Variants in EFL1 observed in about 807,000 individuals in gnomAD.
EFL1 encodes elongation factor like GTPase 1, also known as elongation factor-like GTPase 1.
In EFL1, 76 loss-of-function variants were observed where a neutral mutation model predicts 126.7. That is an observed-to-expected ratio of 0.60 (90% CI 0.50 to 0.73). The LOEUF (loss-of-function observed/expected upper bound fraction) is 0.73, where lower values mean the gene tolerates loss of function less well. EFL1 is among the 30% of genes least tolerant of loss of function. The pLI, the probability that EFL1 is intolerant of heterozygous loss-of-function variation, is 0.00. For synonymous variants in EFL1, 410 were observed against 448.4 expected, an observed-to-expected ratio of 0.91 and a Z score of 1.08; for missense variants, 1,128 against 1,343.2, an observed-to-expected ratio of 0.84 and a Z score of 2.50.
intron 15 of EFL1, among the ~76,000 whole-genome samples, chr15:82,178,751 A>T (rs938011656): frequency 6.6e-6 from 1 of 152,160 alleles, no homozygotes; most frequent in Admixed American, 6.5e-5. Context: ...TCATTCTACC[A>T]ATTCTCTGGA....
intron 19 of EFL1, among the ~76,000 whole-genome samples, chr15:82,132,565 T>A (rs1297536210): frequency 1.3e-5 from 2 of 150,624 alleles, no homozygotes; most frequent in Admixed American, 1.3e-4. Flanking sequence ...AGAGGCATTA[T>A]CAGCACTAGA....
At chr15:82,164,048 A>G in intron 15 of EFL1, 64 bp from the exon 16 acceptor site, 1 of 1,589,856 alleles carries the variant, frequency 6.3e-7, no homozygotes, top group Non-Finnish European at 8.6e-7. Flanking sequence ...ATGTCAGAAA[A>G]ACAGCAGCAT....
intron 18 of EFL1, among the ~76,000 whole-genome samples, chr15:82,144,863 C>T (rs1208137959): frequency 1.3e-5 from 2 of 151,666 alleles, no homozygotes; most frequent in African/African-American, 2.4e-5. Context: ...CGTGGTGGTG[C>T]GCACCTGTAG....
chr15:82,138,994 GTGTT>G (rs1228291031), intron 18 of EFL1, 152 bp from the exon 19 acceptor site: 6 of 790,482 alleles, frequency 7.6e-6, no homozygotes, highest in Non-Finnish European at 9.1e-6. Flanking sequence ...CACTTTTTAA[GTGTT>G]TATTTAAAAA....
intron 15 of EFL1, among the ~76,000 whole-genome samples, chr15:82,208,674 A>T (rs1324004371): frequency 2.0e-5 from 3 of 152,228 alleles, no homozygotes; most frequent in African/African-American, 7.2e-5. Context: ...ACGCCTTAAT[A>T]ATCAGGAAAT....
At chr15:82,180,364 A>AAAAAAAAC (rs1567052855) in intron 15 of EFL1, among the ~76,000 whole-genome samples, 1 of 85,196 alleles carries the variant, frequency 1.2e-5, no homozygotes, top group Non-Finnish European at 2.3e-5. Flanking sequence ...ACTGGCAAAA[A>AAAAAAAAC]AAAAAAAACA....
chr15:82,163,970 G>C lies in EFL1; in HGVS notation c.1765C>G (p.Gln589Glu). 6.2e-7 allele frequency: 1 copy of C among 1,614,004 alleles called. No individual in the cohort carries two copies. Reference sequence around the variant, plus strand: ...GTTGCAGATTTCAGCACAAAATCTTGAAGGCCTCCTATTCCTGTAGGAAGA... The same window carrying C: ...GTTGCAGATTTCAGCACAAAATCTTCAAGGCCTCCTATTCCTGTAGGAAGA... ...PGNVLGIGGL[Q>E]DFVLKSATLC... is the part of the protein sequence containing the mutation. Residue 589 changes from glutamine to glutamate, a missense_variant, in exon 16 of 20, where the codon CAA (glutamine) becomes GAA (glutamate). By Grantham distance (29) the Gln-to-Glu change is conservative (BLOSUM62 2). Transcript: ENST00000268206.
At chr15:82,170,149 C>G (rs971114206) in intron 15 of EFL1, among the ~76,000 whole-genome samples, 1 of 121,176 alleles carries the variant, frequency 8.3e-6, no homozygotes, top group Non-Finnish European at 1.6e-5. Context: ...GAGTCTCGCT[C>G]TGTCGCCCAG....
intron 7 of EFL1, among the ~76,000 whole-genome samples, chr15:82,237,707 G>A (rs1208560602): frequency 6.8e-6 from 1 of 147,350 alleles, no homozygotes; most frequent in Non-Finnish European, 1.5e-5. Context: ...ACCTACACAT[G>A]AATGTTTATA....
At chr15:82,156,175 A>G (rs990023710) in intron 17 of EFL1, among the ~76,000 whole-genome samples, 1 of 152,230 alleles carries the variant, frequency 6.6e-6, no homozygotes, top group African/African-American at 2.4e-5. Context: ...TTTGCCTTTT[A>G]CATTTTAACC....
At chr15:82,157,488 G>T in intron 17 of EFL1, 1 of 415,164 alleles carries the variant, frequency 2.4e-6, no homozygotes, top group Non-Finnish European at 4.2e-6. Context: ...AACATTTTAT[G>T]ACTTAAGCTA....
At chr15:82,220,813 T>C (rs1304731731) in intron 12 of EFL1, among the ~76,000 whole-genome samples, 1 of 152,154 alleles carries the variant, frequency 6.6e-6, no homozygotes, top group Non-Finnish European at 1.5e-5. Context: ...CTCTTTTTCC[T>C]AAAGAACTAC....
intron 19 of EFL1, among the ~76,000 whole-genome samples, chr15:82,131,908 G>A (rs1008154532): frequency 1.3e-5 from 2 of 151,936 alleles, no homozygotes; most frequent in African/African-American, 2.4e-5. Context: ...CAGAGAGATG[G>A]AGATTAAAAA....
intron 15 of EFL1, among the ~76,000 whole-genome samples, chr15:82,165,470 C>A (rs965163143): frequency 3.3e-5 from 5 of 152,110 alleles, no homozygotes; most frequent in African/African-American, 1.2e-4. Context: ...TTCAGGTACA[C>A]AAACTTGGAG....
chr15:82,196,770 T>G lies in EFL1; in HGVS notation c.1750+17947A>C, dbSNP rs1217347649. On this transcript the variant is annotated intron_variant, in intron 15 of 19. Transcript: ENST00000268206. ...TGGCTTCGGCCGGGAGCGGTGGCTCTCGCCTGTAATCCCAGCACTTTGGGA... is the reference window on the plus strand; with the variant it reads ...TGGCTTCGGCCGGGAGCGGTGGCTCGCGCCTGTAATCCCAGCACTTTGGGA... Among the ~76,000 whole-genome samples the G allele has an allele frequency of 2.6e-5, 4 of 152,200 alleles. No homozygotes were observed. In the East Asian group the frequency reaches 5.8e-4, roughly 22 times the overall value.
At chr15:82,232,386 A>G (rs1291359062) in intron 7 of EFL1, among the ~76,000 whole-genome samples, 1 of 152,176 alleles carries the variant, frequency 6.6e-6, no homozygotes, top group East Asian at 1.9e-4. Flanking sequence ...TATAGGACCA[A>G]TTTTTGTATA....
Position 82,130,267 on chromosome 15 carries a change from G to C in EFL1, c.*106C>G. On this transcript the variant is annotated 3_prime_UTR_variant, in exon 20 of 20. Transcript: ENST00000268206. ...TTTATATGGATCAACTTTATTGAAA[G>C]TGAATAAACAGAGATAATGTGGCAA... The C allele has an allele frequency of 8.6e-7, 1 of 1,163,338 alleles. No homozygotes were observed. The highest frequency in any genetic ancestry group is 1.2e-6 in the Non-Finnish European group (1 of 838,572). The allele number at this position is 1,163,338 out of a possible 1,614,324, so 72.1% of individuals were successfully genotyped here. A position where few individuals can be genotyped will look rare whatever the true frequency, so the allele number is the denominator to read the frequency against.
chr15:82,165,192 A>G lies in EFL1; in HGVS notation c.1751-1208T>C, dbSNP rs116221592. ...GTTGAGGTGGGAGGATCGCTTAAGC[A>G]CAGGAGTTCAAGACTGGGTGACAGA... On this transcript the variant is annotated intron_variant, in intron 15 of 19. Transcript: ENST00000268206. 6.6e-3 allele frequency among the ~76,000 whole-genome samples: 1,001 copies of G among 152,220 alleles called. 10 individuals carry two copies. Among genetic ancestry groups the G allele is most frequent in the African/African-American group, 0.023 (936 of 41,526 alleles).
At chr15:82,200,464 T>C (rs913837665) in intron 15 of EFL1, among the ~76,000 whole-genome samples, 2 of 152,168 alleles carry the variant, frequency 1.3e-5, no homozygotes, top group Non-Finnish European at 2.9e-5. Context: ...GGGGTAATCT[T>C]GGCTTTACAA....
Sources: gnomAD v4.1 joint callset for allele counts (sites outside exome capture counted in the v4.1 genomes callset) on GRCh38, gnomAD v4.1.1 for gene constraint, MANE v1.5 for transcripts, NCBI Gene and HGNC (gene_info 2026-07-23, HGNC 2026-07-21) for gene names.